Variants in CFAP69 observed in about 807,000 individuals in gnomAD.
CFAP69 encodes cilia- and flagella-associated protein 69.
A neutral mutation model predicts 123.0 loss-of-function variants in CFAP69; 92 were observed. That is an observed-to-expected ratio of 0.75 (90% CI 0.63 to 0.89). CFAP69 has a LOEUF of 0.89. CFAP69 is among the 40% of genes least tolerant of loss of function. The probability of loss-of-function intolerance (pLI) is 0.00; values close to 1 mark genes in which losing one functional copy is unlikely to be tolerated. For synonymous variants in CFAP69, 380 were observed against 364.3 expected (o/e 1.04, Z -0.49); for missense variants, 1,067 against 1,096.9 (o/e 0.97, Z 0.39).
chr7:90,316,965 C>G, the CFAP69 span: 3 of 152,202 alleles, frequency 2.0e-5, no homozygotes, highest in East Asian at 5.8e-4. Flanking sequence ...AACTTTTGAG[C>G]TTCAATCATT....
chr7:90,266,304 GTGT>G (rs1406741123), intron 5 of CFAP69: 1 of 152,052 alleles, frequency 6.6e-6, no homozygotes, highest in Non-Finnish European at 1.5e-5. Context: ...GTAGGTGAAG[GTGT>G]TGTTGAGATT....
At chr7:90,318,159 T>C in the CFAP69 span, 2 of 152,212 alleles carry the variant, frequency 1.3e-5, no homozygotes, top group African/African-American at 2.4e-5. Flanking sequence ...ATTGTATTAC[T>C]TCCCTGTCTT....
At chr7:90,278,588 CA>C (rs1359710323) in intron 11 of CFAP69, among the ~76,000 whole-genome samples, 1 of 151,958 alleles carries the variant, frequency 6.6e-6, no homozygotes, top group East Asian at 1.9e-4. Context: ...ATTTATACTA[CA>C]GTTTATAAGT....
chr7:90,257,973 A>G lies in CFAP69; in HGVS notation c.181-125A>G, dbSNP rs1193909141. 4.6e-6 allele frequency: 3 copies of G among 647,804 alleles called. No individual in the cohort carries two copies. In the African/African-American group the frequency reaches 5.6e-5, roughly 12 times the overall value. 40.1% of individuals were successfully genotyped at this position (647,804 alleles called of 1,614,324 possible). A position where few individuals can be genotyped will look rare whatever the true frequency, so the allele number is the denominator to read the frequency against. ...TCAGAAAACATTTTATAACGTTTAC[A>G]TTATAATATAGTAATTTAAGAATTA... On this transcript the variant is annotated intron_variant, in intron 2 of 22. Transcript: ENST00000389297.
intron 13 of CFAP69, among the ~76,000 whole-genome samples, chr7:90,283,718 G>A (rs191829418): frequency 4.7e-4 from 72 of 152,130 alleles, no homozygotes; most frequent in Non-Finnish European, 2.1e-4. Flanking sequence ...CTAGATCCTT[G>A]ACTTTGAAAA....
At chr7:90,282,170 T>C (rs1789582553) in intron 12 of CFAP69, among the ~76,000 whole-genome samples, 1 of 129,328 alleles carries the variant, frequency 7.7e-6, no homozygotes, top group Admixed American at 8.6e-5. Context: ...CTGGGCAACA[T>C]GGTGAGACCC....
chr7:90,247,003 A>G (rs1450364926), intron 1 of CFAP69, among the ~76,000 whole-genome samples: 1 of 152,186 alleles, frequency 6.6e-6, no homozygotes, highest in African/African-American at 2.4e-5. Context: ...GAAGAAAGCA[A>G]TCAATTTGCA....
chr7:90,303,344 T>G (rs1793089525), intron 17 of CFAP69: 1 of 154,806 alleles, frequency 6.5e-6, no homozygotes, highest in African/African-American at 2.4e-5. Flanking sequence ...TGGCCAAGAT[T>G]TCCAATACTA....
intron 2 of CFAP69, among the ~76,000 whole-genome samples, chr7:90,257,637 T>G (rs939594217): frequency 6.6e-6 from 1 of 152,236 alleles, no homozygotes; most frequent in Non-Finnish European, 1.5e-5. Context: ...TATTTGTCTT[T>G]CTAAACATGG....
At chr7:90,307,876 A>G (rs1793837376) in intron 21 of CFAP69, 22 bp downstream of exon 21, 3 of 1,484,138 alleles carry the variant, frequency 2.0e-6, no homozygotes, top group South Asian at 1.2e-5. Flanking sequence ...AATGTATTAT[A>G]GTATCCACAA....
intron 15 of CFAP69, among the ~76,000 whole-genome samples, chr7:90,290,502 C>G (rs150191371): frequency 1.5e-3 from 223 of 152,322 alleles, no homozygotes; most frequent in African/African-American, 4.6e-3. Context: ...GGGCAGGCTA[C>G]TTTATTCAGT....
intron 15 of CFAP69, among the ~76,000 whole-genome samples, chr7:90,289,905 A>G (rs1056681438): frequency 1.4e-4 from 22 of 152,144 alleles, no homozygotes; most frequent in African/African-American, 5.3e-4. Flanking sequence ...CCTTCTTTGT[A>G]CAAATCAAAT....
chr7:90,320,122 C>G, the CFAP69 span, among the ~76,000 whole-genome samples: 1 of 152,182 alleles, frequency 6.6e-6, no homozygotes, highest in Non-Finnish European at 1.5e-5. Context: ...GACTGCCTAT[C>G]CAAGACTCCT....
At chr7:90,304,284 G>T in intron 18 of CFAP69, 178 bp downstream of exon 18, 8 of 1,337,206 alleles carry the variant, frequency 6.0e-6, no homozygotes, top group Non-Finnish European at 7.6e-6. Flanking sequence ...CAGAATCTCT[G>T]TGTGTGGGAT....
At chr7:90,322,676 C>G in the CFAP69 span, 3 of 152,076 alleles carry the variant, frequency 2.0e-5, no homozygotes, top group African/African-American at 7.3e-5. Context: ...TATTCAAAAC[C>G]TATTGAAAAG....
rs1467495503 is a variant in CFAP69 at position 90,261,953 on chromosome 7, A to T, written c.253A>T (p.Arg85Trp). 2 of 1,529,204 alleles carry T rather than the reference A, an allele frequency of 1.3e-6. No individual in the cohort carries two copies. The highest frequency in any genetic ancestry group is 4.6e-5 in the East Asian group (2 of 43,486). The allele number at this position is 1,529,204 out of a possible 1,614,324, so 94.7% of individuals were successfully genotyped here. Reference protein sequence around the residue: ...VQCYQNGLPLRDLAQIFKILN... With the variant: ...VQCYQNGLPLWDLAQIFKILN... Reference sequence around the variant, plus strand: ...TTAACTAAAAATATTAAAGCCATTAAGGGATTTAGCACAGATATTTAAAAT... The same window carrying T: ...TTAACTAAAAATATTAAAGCCATTATGGGATTTAGCACAGATATTTAAAAT... The change falls in exon 4 of 23, where the codon AGG becomes TGG. Residue 85 changes from arginine (R) to tryptophan (W), a missense_variant. By Grantham distance (101) the Arg-to-Trp change is moderately radical. Transcript: ENST00000389297.
At chr7:90,287,419 A>T in intron 14 of CFAP69, 1 of 844,426 alleles carries the variant, frequency 1.2e-6, no homozygotes, top group Non-Finnish European at 1.4e-6. Flanking sequence ...GTACCATTTT[A>T]AATGTTGTTT....
At chr7:90,255,211 A>T (rs1034316129) in intron 1 of CFAP69, among the ~76,000 whole-genome samples, 1 of 152,242 alleles carries the variant, frequency 6.6e-6, no homozygotes, top group African/African-American at 2.4e-5. Flanking sequence ...CATTAAGATT[A>T]TACAAAATAC....
chr7:90,273,439 C>G (rs1483110784), intron 8 of CFAP69, among the ~76,000 whole-genome samples: 4 of 152,122 alleles, frequency 2.6e-5, no homozygotes, highest in Non-Finnish European at 5.9e-5. Context: ...AGAGCTGTCA[C>G]TTTGACCACC....
Sources: gnomAD v4.1 joint callset for allele counts (sites outside exome capture counted in the v4.1 genomes callset) on GRCh38, gnomAD v4.1.1 for gene constraint, MANE v1.5 for transcripts, NCBI Gene and HGNC (gene_info 2026-07-23, HGNC 2026-07-21) for gene names.